KIAA1549: variants seen among roughly 807,000 people sequenced by gnomAD.
The protein encoded by KIAA1549 is KIAA1549.
KIAA1549 carries 70 observed loss-of-function variants against 156.4 expected under a neutral mutation model. That is an observed-to-expected ratio of 0.45 (90% CI 0.37 to 0.55). KIAA1549 has a LOEUF of 0.55. Among genes scored for constraint, KIAA1549 ranks in the 20% least tolerant of loss-of-function variants. The pLI, the probability that KIAA1549 is intolerant of heterozygous loss-of-function variation, is 0.00. For missense variants in KIAA1549, 2,428 were observed against 2,540.9 expected, an observed-to-expected ratio of 0.96 and a Z score of 0.96; for synonymous variants, 1,103 against 1,066.4, an observed-to-expected ratio of 1.03 and a Z score of -0.67.
intron 13 of KIAA1549, among the ~76,000 whole-genome samples, chr7:138,870,293 CTTT>C (rs907875441): frequency 6.6e-6 from 1 of 151,946 alleles, no homozygotes; most frequent in African/African-American, 2.4e-5. Flanking sequence ...ATCCCACGAG[CTTT>C]ACCCTCAAGC....
intron 1 of KIAA1549, among the ~76,000 whole-genome samples, chr7:138,925,082 C>T (rs552045751): frequency 9.9e-5 from 15 of 152,270 alleles, no homozygotes; most frequent in Admixed American, 9.8e-4. Flanking sequence ...ACCTGCACCT[C>T]GCCCTGGCCA....
chr7:138,864,244 T>G (rs1810670574), intron 15 of KIAA1549, among the ~76,000 whole-genome samples: 1 of 152,170 alleles, frequency 6.6e-6, no homozygotes, highest in South Asian at 2.1e-4. Context: ...ATCTCAGACA[T>G]TTGAGCAGAG....
chr7:138,954,344 G>A (rs756287953), intron 1 of KIAA1549, among the ~76,000 whole-genome samples: 4 of 152,150 alleles, frequency 2.6e-5, no homozygotes, highest in African/African-American at 7.2e-5. Context: ...AAGGCCTCAC[G>A]GGGCATGGCT....
intron 5 of KIAA1549, among the ~76,000 whole-genome samples, chr7:138,907,432 C>G (rs1406153266): frequency 6.6e-6 from 1 of 152,150 alleles, no homozygotes; most frequent in Non-Finnish European, 1.5e-5. Context: ...CGTCAAACCT[C>G]TGGGGGATGA....
At chr7:138,940,244 T>C in intron 1 of KIAA1549, among the ~76,000 whole-genome samples, 1 of 145,490 alleles carries the variant, frequency 6.9e-6, no homozygotes, top group East Asian at 2.1e-4. Flanking sequence ...AATTCCCACC[T>C]ATGAGTGAGA....
Position 138,976,370 on chromosome 7 carries a change from C to T in KIAA1549, c.187+4713G>A, listed in dbSNP as rs117876158. ...GTCACCGCGCCCGGCCTCAACATAACGATTTTAAATTAGCTGTTCTAACAG... is the reference window on the plus strand; with the variant it reads ...GTCACCGCGCCCGGCCTCAACATAATGATTTTAAATTAGCTGTTCTAACAG... On this transcript the variant is annotated intron_variant, in intron 1 of 19. Coordinates refer to ENST00000422774, the MANE Select transcript of KIAA1549 (RefSeq NM_001164665.2). Among the ~76,000 whole-genome samples, 327 of 151,836 alleles carry T rather than the reference C, an allele frequency of 2.2e-3. 1 individual carries two copies. The highest frequency in any genetic ancestry group is 5.2e-3 in the South Asian group (25 of 4,802).
intron 1 of KIAA1549, among the ~76,000 whole-genome samples, chr7:138,936,421 T>C (rs1465113078): frequency 6.6e-6 from 1 of 152,094 alleles, no homozygotes; most frequent in East Asian, 1.9e-4. Context: ...ACCAATTAAT[T>C]TAGGCCTTAC....
At chr7:138,882,065 G>A (rs1306369002) in intron 10 of KIAA1549, among the ~76,000 whole-genome samples, 8 of 152,204 alleles carry the variant, frequency 5.3e-5, no homozygotes, top group Non-Finnish European at 8.8e-5. Flanking sequence ...AGTCCAGTCC[G>A]TATATGGATG....
In KIAA1549 at chr7:138,909,223, A is replaced by G. The variant is rs1346542552; in HGVS notation, c.3146-102T>C. The G allele has an allele frequency of 1.0e-5, 12 of 1,182,900 alleles. No homozygotes were observed. In the Admixed American group the frequency reaches 2.5e-4, roughly 24 times the overall value. The allele number at this position is 1,182,900 out of a possible 1,614,324, so 73.3% of individuals were successfully genotyped here. ...ACATCGTATCTAAATCAACCAATTCATCCATAGTATGGGATTAAGTACTGT... is the reference window on the plus strand; with the variant it reads ...ACATCGTATCTAAATCAACCAATTCGTCCATAGTATGGGATTAAGTACTGT... On this transcript the variant is annotated intron_variant, in intron 4 of 19. Transcript: ENST00000422774.
intron 10 of KIAA1549, among the ~76,000 whole-genome samples, chr7:138,888,811 T>A (rs1811470418): frequency 6.6e-6 from 1 of 152,238 alleles, no homozygotes; most frequent in African/African-American, 2.4e-5. Context: ...ATTATTTTCA[T>A]CTTGAAATGA....
chr7:138,934,450 G>A (rs529586231), intron 1 of KIAA1549, among the ~76,000 whole-genome samples: 1 of 151,498 alleles, frequency 6.6e-6, no homozygotes, highest in East Asian at 1.9e-4. Flanking sequence ...ACTGAAAATA[G>A]GGAGTGGTTG....
Position 138,918,993 on chromosome 7 carries a change from G to A in KIAA1549, c.633C>T (p.Gly211=), listed in dbSNP as rs1053316743. The change falls in exon 2 of 20, where the codon GGC becomes GGT. Residue 211 remains glycine, a synonymous_variant. Transcript: ENST00000422774. The surrounding 1 kb of genome is among the most constrained non-coding windows in gnomAD (Gnocchi z 4.2). ...CTGGTTGTCGCGTTGTGTTCTGCCAGCCCGATGTCACTTCTTCATCTTGTA... is the reference window on the plus strand; with the variant it reads ...CTGGTTGTCGCGTTGTGTTCTGCCAACCCGATGTCACTTCTTCATCTTGTA... ...VSLQDEEVTS[G]WQNTTRQPAA... is the part of the protein sequence containing the mutation. 4 of 1,614,058 alleles carry A rather than the reference G, an allele frequency of 2.5e-6. No individual in the cohort carries two copies. Among genetic ancestry groups the A allele is most frequent in the Non-Finnish European group, 3.4e-6 (4 of 1,179,900 alleles).
chr7:138,937,858 G>A (rs553451580), intron 1 of KIAA1549, among the ~76,000 whole-genome samples: 2 of 152,280 alleles, frequency 1.3e-5, no homozygotes, highest in South Asian at 4.1e-4. Flanking sequence ...GCAGAAAGAT[G>A]ATCATTGGGG....
intron 1 of KIAA1549, among the ~76,000 whole-genome samples, chr7:138,933,703 T>C (rs944866130): frequency 2.0e-5 from 3 of 152,256 alleles, no homozygotes; most frequent in Non-Finnish European, 2.9e-5. Flanking sequence ...CAGTGGCTCA[T>C]GCCTGTAATC....
At chr7:138,910,205 C>T (rs955285494) in intron 4 of KIAA1549, among the ~76,000 whole-genome samples, 2 of 151,948 alleles carry the variant, frequency 1.3e-5, no homozygotes, top group African/African-American at 4.8e-5. Context: ...TACTTTTGTA[C>T]ATGCTTGAAA....
chr7:138,871,259 G>A lies in KIAA1549; in HGVS notation c.4449C>T (p.Pro1483=), dbSNP rs1034999766. 5 of 1,612,162 alleles carry A rather than the reference G, an allele frequency of 3.1e-6. No individual in the cohort carries two copies. The African/African-American group carries it at 4.0e-5, about 13-fold the overall frequency. The change falls in exon 13 of 20, where the codon CCC becomes CCT. Residue 1483 remains proline (P), a synonymous_variant. Coordinates refer to ENST00000422774, the MANE Select transcript of KIAA1549 (RefSeq NM_001164665.2). The stretch of plus-strand genomic sequence containing the variant: ...GCATGGCGATAAGCTGGATCTTACT[G>A]GGGACCCGCCGGCTAGCCTCCGGGG... ...SRPPEASRRV[P]SKIQLIAMQP...
At chr7:138,848,243 G>A (rs1011649858) in intron 17 of KIAA1549, among the ~76,000 whole-genome samples, 3 of 152,192 alleles carry the variant, frequency 2.0e-5, no homozygotes, top group Non-Finnish European at 4.4e-5. Flanking sequence ...AGTCATGTGA[G>A]CAGGCATTTC....
chr7:138,912,468 T>C lies in KIAA1549; in HGVS notation c.2879-8A>G. 6.2e-7 allele frequency: 1 copy of C among 1,611,338 alleles called. No homozygotes were observed. The highest frequency in any genetic ancestry group is 8.5e-7 in the Non-Finnish European group (1 of 1,177,730). The stretch of plus-strand genomic sequence containing the variant: ...CAGCTCTTCTGGCCAGCACTGCAAA[T>C]GAAAGCAAACCACCAAATGCCTTTT... On this transcript the variant is annotated splice_region_variant and splice_polypyrimidine_tract_variant and intron_variant, in intron 2 of 19. Coordinates refer to ENST00000422774, the MANE Select transcript of KIAA1549 (RefSeq NM_001164665.2).
Position 138,835,595 on chromosome 7 carries a change from C to T in KIAA1549, c.*2311G>A, listed in dbSNP as rs578079002. On this transcript the variant is annotated 3_prime_UTR_variant, in exon 20 of 20. Coordinates refer to ENST00000422774, the MANE Select transcript of KIAA1549 (RefSeq NM_001164665.2). ...CTGGGTGAGAAGGGGCCATTTATCC[C>T]GTTTGCTGTCACACGATTTGAATTC... 3.1e-5 allele frequency: 7 copies of T among 223,146 alleles called. No individual in the cohort carries two copies. The highest frequency in any genetic ancestry group is 6.5e-5 in the East Asian group (1 of 15,360). The allele number at this position is 223,146 out of a possible 1,614,324, so 13.8% of individuals were successfully genotyped here. A position where few individuals can be genotyped will look rare whatever the true frequency, so the allele number is the denominator to read the frequency against.
Sources: gnomAD v4.1 joint callset for allele counts (sites outside exome capture counted in the v4.1 genomes callset) on GRCh38, gnomAD v4.1.1 for gene constraint, Gnocchi (gnomAD v3.1) non-coding constraint, MANE v1.5 for transcripts, NCBI Gene and HGNC (gene_info 2026-07-23, HGNC 2026-07-21) for gene names.